The following ACER1 variants were observed in gnomAD, a reference collection of about 807,000 sequenced individuals.
ACER1 encodes the protein CTB-180A7.3.
In ACER1, 28 loss-of-function variants were observed where a neutral mutation model predicts 24.9. That is an observed-to-expected ratio of 1.13 (90% CI 0.83 to 1.54). The LOEUF (loss-of-function observed/expected upper bound fraction) is 1.54. Among genes scored for constraint, ACER1 ranks in the 40% most tolerant of loss-of-function variants. The pLI, the probability that ACER1 is intolerant of heterozygous loss-of-function variation, is 0.00. For missense variants in ACER1, 352 were observed against 349.3 expected (o/e 1.01, Z -0.06); for synonymous variants, 132 against 131.4 (o/e 1.00, Z -0.03).
the ACER1 span, among the ~76,000 whole-genome samples, chr19:6,339,030 C>T: frequency 1.3e-5 from 2 of 152,086 alleles, no homozygotes; most frequent in East Asian, 1.9e-4. Flanking sequence ...GCGCCCACCA[C>T]CACGTCGGGC....
the ACER1 span, among the ~76,000 whole-genome samples, chr19:6,352,537 G>C: frequency 2.0e-5 from 3 of 152,176 alleles, no homozygotes; most frequent in Non-Finnish European, 2.9e-5. Flanking sequence ...GAAATGATAA[G>C]CTGTGGTTGT....
At chr19:6,333,942 T>C (rs571845047), upstream of ACER1, among the ~76,000 whole-genome samples, 28 of 152,218 alleles carry the variant, frequency 1.8e-4, no homozygotes, top group African/African-American at 6.0e-4. Context: ...TACAGTGGCA[T>C]CATCATAGCT....
chr19:6,357,498 G>A, the ACER1 span, among the ~76,000 whole-genome samples: 406 of 152,134 alleles, frequency 2.7e-3, 2 homozygotes, highest in African/African-American at 9.2e-3. Context: ...TCAGCCAAGC[G>A]CGGTGGTTCA....
intron 1 of ACER1, among the ~76,000 whole-genome samples, chr19:6,329,744 T>G (rs10425065): frequency 0.029 from 4,473 of 152,198 alleles, 227 homozygotes; most frequent in African/African-American, 0.1. Flanking sequence ...ATTACTCTGT[T>G]GCCCAGGCCG....
At chr19:6,331,794 A>AAAAC (rs142722083) in intron 1 of ACER1, among the ~76,000 whole-genome samples, 134 of 151,566 alleles carry the variant, frequency 8.8e-4, no homozygotes, top group South Asian at 6.3e-3. Flanking sequence ...ACTCCGTTTC[A>AAAAC]AAACAAACAA....
intron 4 of ACER1, 78 bp downstream of exon 4, chr19:6,309,619 C>T (rs2091567691): frequency 1.3e-6 from 2 of 1,579,498 alleles, no homozygotes; most frequent in African/African-American, 1.3e-5. Context: ...AAGGGACGTC[C>T]CCTCCGCGAG....
the ACER1 span, among the ~76,000 whole-genome samples, chr19:6,355,398 G>A: frequency 2.1e-5 from 2 of 93,558 alleles, no homozygotes; most frequent in Non-Finnish European, 3.8e-5. Flanking sequence ...TCCCGGCCGC[G>A]ACCCCATCTG....
intron 1 of ACER1, among the ~76,000 whole-genome samples, chr19:6,329,501 A>G (rs10419046): frequency 0.054 from 8,272 of 152,152 alleles, 365 homozygotes; most frequent in African/African-American, 0.12. Context: ...CAGGTACAGG[A>G]TGATGATGAT....
the ACER1 span, among the ~76,000 whole-genome samples, chr19:6,358,365 T>C: frequency 6.6e-6 from 1 of 151,092 alleles, no homozygotes; most frequent in Non-Finnish European, 1.5e-5. Flanking sequence ...ACTCCCTCCC[T>C]CTGTCTTACT....
At chr19:6,323,508 C>T (rs897252956) in intron 1 of ACER1, among the ~76,000 whole-genome samples, 7 of 152,294 alleles carry the variant, frequency 4.6e-5, no homozygotes, top group Middle Eastern at 6.8e-3. Flanking sequence ...TAAGATGTGA[C>T]TTGCTCCTCC....
intron 1 of ACER1, among the ~76,000 whole-genome samples, chr19:6,314,594 A>C (rs1298655605): frequency 6.6e-6 from 1 of 152,174 alleles, no homozygotes; most frequent in Non-Finnish European, 1.5e-5. Flanking sequence ...GAGCCGCGAC[A>C]AGTCTCTCAT....
At chr19:6,312,074 G>A (rs1478792613) in intron 3 of ACER1, 75 bp downstream of exon 3, 5 of 1,535,138 alleles carry the variant, frequency 3.3e-6, no homozygotes, top group East Asian at 2.3e-5. Flanking sequence ...GGACCCAGGG[G>A]ACTCAGGTGA....
chr19:6,310,010 C>T (rs564226097), intron 3 of ACER1, among the ~76,000 whole-genome samples, 176 bp from the exon 4 acceptor site: 1 of 151,974 alleles, frequency 6.6e-6, no homozygotes, highest in Non-Finnish European at 1.5e-5. Flanking sequence ...GTCTGTAATC[C>T]CAGCACCTTG....
At chr19:6,333,309 G>A (rs953560857) in intron 1 of ACER1, 150 bp downstream of exon 1, 35 of 564,490 alleles carry the variant, frequency 6.2e-5, no homozygotes, top group Non-Finnish European at 8.9e-5. Flanking sequence ...GTAAATGAAT[G>A]AAAGCTGGCA....
chr19:6,336,045 CA>C (rs1210136814), upstream of ACER1, among the ~76,000 whole-genome samples: 110 of 151,912 alleles, frequency 7.2e-4, no homozygotes, highest in African/African-American at 2.4e-3. Context: ...GATTTACAGG[CA>C]CCCGCCAGCA....
At chr19:6,309,881 A>C (rs1006242050) in intron 3 of ACER1, 47 bp from the exon 4 acceptor site, 1 of 1,609,282 alleles carries the variant, frequency 6.2e-7, no homozygotes, top group Non-Finnish European at 8.5e-7. Context: ...AGGTCCTGGG[A>C]TTGTAGGCAT....
chr19:6,355,341 C>T, the ACER1 span, among the ~76,000 whole-genome samples: 51 of 145,580 alleles, frequency 3.5e-4, no homozygotes, highest in Non-Finnish European at 6.2e-4. Flanking sequence ...AAGTGAGGAG[C>T]GTCTCTGCCT....
chr19:6,312,298 G>T lies in ACER1; in HGVS notation c.209-8C>A, dbSNP rs182580063. 1 of 1,613,960 alleles carries T rather than the reference G, an allele frequency of 6.2e-7. No individual in the cohort carries two copies. The highest frequency in any genetic ancestry group is 1.7e-5 in the Admixed American group (1 of 59,998). The stretch of plus-strand genomic sequence containing the variant: ...AATACATGGAGAACAGGCCTGCAGC[G>T]GCAAGGGCAGGCGGTCAGTGGGGTC... On this transcript the variant is annotated splice_polypyrimidine_tract_variant and splice_region_variant and intron_variant, in intron 2 of 5. Coordinates refer to ENST00000301452, the MANE Select transcript of ACER1 (RefSeq NM_133492.3).
At chr19:6,314,954 C>T (rs987658310) in intron 1 of ACER1, among the ~76,000 whole-genome samples, 10 of 151,736 alleles carry the variant, frequency 6.6e-5, no homozygotes, top group African/African-American at 1.7e-4. Flanking sequence ...TGCAGTGGCG[C>T]GATCTCAGCT....
Sources: gnomAD v4.1 joint callset for allele counts (sites outside exome capture counted in the v4.1 genomes callset) on GRCh38, gnomAD v4.1.1 for gene constraint, MANE v1.5 for transcripts, NCBI Gene and HGNC (gene_info 2026-07-23, HGNC 2026-07-21) for gene names.